The following GMPS variants were observed in gnomAD, a reference collection of about 807,000 sequenced individuals.
GMPS encodes guanosine monophosphate synthase.
GMPS carries 15 observed loss-of-function variants against 77.9 expected under a neutral mutation model. The ratio of observed to expected loss-of-function variants is 0.19; its 90% CI spans 0.13 to 0.30. GMPS has a LOEUF of 0.30. Ranked by LOEUF, GMPS falls within the 10% of genes least tolerant of loss-of-function variation. The pLI is 1.00. For synonymous variants in GMPS, 224 were observed against 275.9 expected (o/e 0.81, Z 1.86); for missense variants, 590 against 838.8 (o/e 0.70, Z 3.66).
chr3:155,906,379 C>CT (rs978242537), intron 5 of GMPS, 116 bp downstream of exon 5: 176 of 552,398 alleles, frequency 3.2e-4, no homozygotes, highest in Admixed American at 9.1e-4. Flanking sequence ...TTTTTCTTCT[C>CT]TTTTTTTTAA....
At chr3:155,882,840 G>C (rs1021539431) in intron 1 of GMPS, among the ~76,000 whole-genome samples, 2 of 152,094 alleles carry the variant, frequency 1.3e-5, no homozygotes, top group Non-Finnish European at 2.9e-5. Flanking sequence ...CAGAATACAT[G>C]CTTGATTCAT....
Position 155,937,607 on chromosome 3 carries a change from T to G in GMPS, c.1997T>G (p.Val666Gly). 1 of 1,460,900 alleles carries G rather than the reference T, an allele frequency of 6.8e-7. No homozygotes were observed. The highest frequency in any genetic ancestry group is 9.6e-7 in the Non-Finnish European group (1 of 1,042,216). 90.5% of individuals were successfully genotyped at this position (1,460,900 alleles called of 1,614,324 possible). Residue 666 changes from valine to glycine, a missense_variant, in exon 16 of 16, where the codon GTC becomes GGC. By Grantham distance (109) the Val-to-Gly change is moderately radical. Transcript: ENST00000496455. ...TTTTAATAGGTGGTATTAAAGATGG[T>G]CACTGAGATTAAGAAGATTCCTGGT... Reference protein sequence around the residue: ...EIPVEVVLKMVTEIKKIPGIS... With the variant: ...EIPVEVVLKMGTEIKKIPGIS...
chr3:155,922,324 C>A, intron 11 of GMPS, 22 bp downstream of exon 11: 2 of 901,222 alleles, frequency 2.2e-6, no homozygotes, highest in Non-Finnish European at 3.4e-6. Flanking sequence ...TACAGCTAAT[C>A]ATTACAAGAA....
chr3:155,914,725 A>G (rs1755129229), intron 8 of GMPS, among the ~76,000 whole-genome samples, 155 bp downstream of exon 8: 1 of 151,380 alleles, frequency 6.6e-6, no homozygotes, highest in Non-Finnish European at 1.5e-5. Flanking sequence ...CATTATATTG[A>G]CCAGTAGAAA....
intron 12 of GMPS, among the ~76,000 whole-genome samples, chr3:155,930,715 C>G (rs1000427471): frequency 6.6e-6 from 1 of 152,170 alleles, no homozygotes; most frequent in Non-Finnish European, 1.5e-5. Context: ...TACTTAAACA[C>G]GTTGATAAGT....
intron 8 of GMPS, among the ~76,000 whole-genome samples, chr3:155,915,112 C>T (rs1298734527): frequency 6.6e-6 from 1 of 151,826 alleles, no homozygotes; most frequent in Non-Finnish European, 1.5e-5. Flanking sequence ...CATTGCCAGG[C>T]TATTATTTTA....
chr3:155,876,273 G>T (rs544719579), intron 1 of GMPS, among the ~76,000 whole-genome samples: 49 of 152,134 alleles, frequency 3.2e-4, no homozygotes, highest in Admixed American at 7.2e-4. Flanking sequence ...TAGCCGGCAG[G>T]AATAGCAACT....
chr3:155,894,703 G>C (rs999912715), intron 2 of GMPS, among the ~76,000 whole-genome samples: 1 of 152,068 alleles, frequency 6.6e-6, no homozygotes, highest in African/African-American at 2.4e-5. Context: ...TGTCTTTCCA[G>C]TGTGAAAGTG....
chr3:155,887,982 T>A (rs972663593), intron 1 of GMPS, among the ~76,000 whole-genome samples: 51 of 152,158 alleles, frequency 3.4e-4, no homozygotes, highest in African/African-American at 1.2e-3. Flanking sequence ...GATTTAACAT[T>A]TTAGTTTAGG....
intron 1 of GMPS, among the ~76,000 whole-genome samples, chr3:155,884,660 G>A (rs1247276081): frequency 6.6e-6 from 1 of 152,116 alleles, no homozygotes; most frequent in Non-Finnish European, 1.5e-5. Context: ...AGAAGAAAAA[G>A]ATAATAGAGA....
chr3:155,879,968 TC>T (rs1754173518), intron 1 of GMPS, among the ~76,000 whole-genome samples: 1 of 151,300 alleles, frequency 6.6e-6, no homozygotes, highest in Non-Finnish European at 1.5e-5. Flanking sequence ...TTTTTTTAAG[TC>T]TAGAGATGTT....
chr3:155,937,289 T>C (rs1023532988), intron 15 of GMPS, among the ~76,000 whole-genome samples: 1 of 152,256 alleles, frequency 6.6e-6, no homozygotes, highest in African/African-American at 2.4e-5. Flanking sequence ...GTCAAATCGC[T>C]ATATGTTCTT....
chr3:155,876,857 G>A (rs951594744), intron 1 of GMPS, among the ~76,000 whole-genome samples: 8 of 152,240 alleles, frequency 5.3e-5, no homozygotes, highest in Non-Finnish European at 1.0e-4. Context: ...TTTAAAAGTG[G>A]TGTGAGCCAG....
chr3:155,932,291 CA>C (rs1261705881), intron 13 of GMPS, among the ~76,000 whole-genome samples: 3 of 151,622 alleles, frequency 2.0e-5, no homozygotes, highest in African/African-American at 7.3e-5. Flanking sequence ...CACACACACA[CA>C]CACACACACA....
chr3:155,931,247 G>A (rs1257911043), intron 12 of GMPS, among the ~76,000 whole-genome samples: 8 of 151,256 alleles, frequency 5.3e-5, no homozygotes, highest in African/African-American at 1.5e-4. Context: ...GCAGTGATAC[G>A]ATCTCTCAGC....
intron 1 of GMPS, among the ~76,000 whole-genome samples, chr3:155,871,803 A>G (rs990623751): frequency 4.6e-5 from 7 of 152,202 alleles, no homozygotes; most frequent in African/African-American, 1.7e-4. Flanking sequence ...CGGGGAGAGC[A>G]CGTTTGACCG....
At chr3:155,917,352 T>C (rs573129690) in intron 9 of GMPS, among the ~76,000 whole-genome samples, 1 of 152,280 alleles carries the variant, frequency 6.6e-6, no homozygotes, top group South Asian at 2.1e-4. Context: ...TTCAGAACTT[T>C]TCATCTTGCA....
In GMPS at chr3:155,942,548, T is replaced by G. The variant is rs1755918180; in HGVS notation, c.*4856T>G. On this transcript the variant is annotated 3_prime_UTR_variant, in exon 16 of 16. Transcript: ENST00000496455. Reference sequence around the variant, plus strand: ...CTGAAGGTCTTATAGCTAAATTAGTTCAGATCCAGGAACCAGATTCTGGAA... The same window carrying G: ...CTGAAGGTCTTATAGCTAAATTAGTGCAGATCCAGGAACCAGATTCTGGAA... 1 of 228,012 alleles carries G rather than the reference T, an allele frequency of 4.4e-6. No individual in the cohort carries two copies. Among genetic ancestry groups the G allele is most frequent in the African/African-American group, 2.2e-5 (1 of 45,028 alleles). 14.1% of individuals were successfully genotyped at this position (228,012 alleles called of 1,614,324 possible). A position where few individuals can be genotyped will look rare whatever the true frequency, so the allele number is the denominator to read the frequency against.
chr3:155,878,560 T>A (rs1754117467), intron 1 of GMPS, among the ~76,000 whole-genome samples: 1 of 152,214 alleles, frequency 6.6e-6, no homozygotes, highest in Admixed American at 6.5e-5. Context: ...GTTTAACCTT[T>A]TAGTGAACTG....
Sources: allele counts gnomAD v4.1 joint callset (sites outside exome capture counted in the v4.1 genomes callset), GRCh38; gene constraint gnomAD v4.1.1; transcripts MANE v1.5; gene names NCBI Gene and HGNC (gene_info 2026-07-23, HGNC 2026-07-21).